The following FOXJ2 variants were observed in gnomAD, a reference collection of about 807,000 sequenced individuals.
The protein encoded by FOXJ2 is forkhead box J2.
A neutral mutation model predicts 68.4 loss-of-function variants in FOXJ2; 18 were observed. That is an observed-to-expected ratio of 0.26 (90% CI 0.18 to 0.39). The LOEUF is 0.39. Ranked by LOEUF, FOXJ2 falls within the 10% of genes least tolerant of loss-of-function variation. The pLI is 1.00. For missense variants in FOXJ2, 670 were observed against 726.5 expected, an observed-to-expected ratio of 0.92 and a Z score of 0.89; for synonymous variants, 274 against 263.2, an observed-to-expected ratio of 1.04 and a Z score of -0.40.
At position 8,047,915 on chromosome 12, in the gene FOXJ2, C is replaced by G. The variant is rs777076278; in HGVS notation, c.851C>G (p.Ser284Trp). 2 of 1,605,742 alleles carry G rather than the reference C, an allele frequency of 1.2e-6. No individual in the cohort carries two copies. Among genetic ancestry groups the G allele is most frequent in the Non-Finnish European group, 1.7e-6 (2 of 1,174,162 alleles). Reference protein sequence around the residue: ...FSSLLGDIPPSNNYYMYQQQQ... With the variant: ...FSSLLGDIPPWNNYYMYQQQQ... ...TCTCTCCTGGGGGACATCCCACCCT[C>G]GAACAACTACTACATGTATCAGCAG... The change falls in exon 7 of 11, where the codon TCG (serine) becomes TGG (tryptophan). Residue 284 changes from serine to tryptophan, a missense_variant. Ser to Trp is a radical substitution (Grantham distance 177). Around this residue, in one of 2 missense-constraint regions of FOXJ2, gnomAD observed 555 missense variants for 562.2 expected, o/e 0.99. Transcript: ENST00000162391.
At chr12:8,049,610 T>C (rs1947087992) in intron 9 of FOXJ2, 39 bp downstream of exon 9, 1 of 1,506,788 alleles carries the variant, frequency 6.6e-7, no homozygotes, top group African/African-American at 1.4e-5. Context: ...GTGGAGACTA[T>C]GTTGAAAAGG....
rs188252013 is a variant in FOXJ2, at chr12:8,038,640, A to T, written c.-14-1179A>T. 1.2e-3 allele frequency among the ~76,000 whole-genome samples: 188 copies of T among 152,254 alleles called. No homozygotes were observed. Among genetic ancestry groups the T allele is most frequent in the African/African-American group, 3.6e-3 (151 of 41,546 alleles). On this transcript the variant is annotated intron_variant, in intron 1 of 10. Transcript: ENST00000162391. The surrounding 1 kb of genome is among the most constrained non-coding windows in gnomAD (Gnocchi z 5.3). ...CTAGGGGAGTGCCAAATGGCTACCT[A>T]GGGGTTCCTGCCAGCCTTTCTAGAC...
chr12:8,036,347 C>T (rs994177652), intron 1 of FOXJ2, among the ~76,000 whole-genome samples: 2 of 152,212 alleles, frequency 1.3e-5, no homozygotes, highest in African/African-American at 4.8e-5. Context: ...CATGTTTCAT[C>T]CAGGATCGGT....
intron 6 of FOXJ2, among the ~76,000 whole-genome samples, chr12:8,046,246 T>C (rs1245865215): frequency 1.3e-5 from 2 of 152,332 alleles, no homozygotes; most frequent in East Asian, 3.9e-4. Flanking sequence ...GAGAACAGTT[T>C]CTTTTTAGTG....
rs1946921415 is a variant in FOXJ2 at position 8,038,208 on chromosome 12, G to GC, written c.-14-1611_-14-1610insC. The stretch of plus-strand genomic sequence containing the variant: ...TGCCATCTGCGTGGGTGGGACCTTG[G>GC]GGAGAGGGGAGTAAGTCAGAATGCT... On this transcript the variant is annotated intron_variant, in intron 1 of 10. Coordinates refer to ENST00000162391, the MANE Select transcript of FOXJ2 (RefSeq NM_018416.3). This position sits in a 1 kb window ranked among gnomAD's most constrained non-coding sequence, Gnocchi z 5.3. Among the ~76,000 whole-genome samples the GC allele has an allele frequency of 3.3e-5, 5 of 152,226 alleles. No individual in the cohort carries two copies. In the South Asian group the frequency reaches 1.0e-3, roughly 32 times the overall value.
chr12:8,051,797 T>C (rs1390753411), intron 10 of FOXJ2, among the ~76,000 whole-genome samples: 2 of 152,190 alleles, frequency 1.3e-5, no homozygotes, highest in East Asian at 1.9e-4. Context: ...GACATCTGAC[T>C]CTCTCTATTC....
intron 10 of FOXJ2, 101 bp from the exon 11 acceptor site, chr12:8,052,661 C>A: frequency 2.1e-6 from 2 of 961,138 alleles, no homozygotes; most frequent in Non-Finnish European, 3.1e-6. Context: ...CCTCACAAGG[C>A]CTTCTTCGTG....
Position 8,033,595 on chromosome 12 carries a change from G to T in FOXJ2, c.-253G>T. On this transcript the variant is annotated 5_prime_UTR_variant, in exon 1 of 11. Transcript: ENST00000162391. ...TCCCCCGGGTAACAAGCAGGGTGTGGGGGGTGTGCCACCTTCCCCAAGTAG... is the reference window on the plus strand; with the variant it reads ...TCCCCCGGGTAACAAGCAGGGTGTGTGGGGTGTGCCACCTTCCCCAAGTAG... 6.5e-6 allele frequency: 1 copy of T among 152,826 alleles called. No individual in the cohort carries two copies. The highest frequency in any genetic ancestry group is 1.9e-4 in the East Asian group (1 of 5,152). 9.5% of individuals were successfully genotyped at this position (152,826 alleles called of 1,614,324 possible).
chr12:8,038,275 C>T lies in FOXJ2; in HGVS notation c.-14-1544C>T, dbSNP rs1471663260. 6.6e-6 allele frequency among the ~76,000 whole-genome samples: 1 copy of T among 152,262 alleles called. No individual in the cohort carries two copies. The highest frequency in any genetic ancestry group is 1.5e-5 in the Non-Finnish European group (1 of 68,018). Reference sequence around the variant, plus strand: ...GCTTAAGGGTCAAGGGCAGAAGAATCACTACCTAGGATAGAAGAGGGAGCT... The same window carrying T: ...GCTTAAGGGTCAAGGGCAGAAGAATTACTACCTAGGATAGAAGAGGGAGCT... On this transcript the variant is annotated intron_variant, in intron 1 of 10. Coordinates refer to ENST00000162391, the MANE Select transcript of FOXJ2 (RefSeq NM_018416.3). This position sits in a 1 kb window ranked among gnomAD's most constrained non-coding sequence, Gnocchi z 5.3.
chr12:8,044,340 C>T (rs1460561402), intron 5 of FOXJ2, among the ~76,000 whole-genome samples: 1 of 152,070 alleles, frequency 6.6e-6, no homozygotes, highest in African/African-American at 2.4e-5. Flanking sequence ...TTTGGGAGGT[C>T]GAGGCAGGCG....
At position 8,040,214 on chromosome 12, in the gene FOXJ2, T is replaced by TTTTAGAGAA. The variant is rs756932068; in HGVS notation, c.333+50_333+58dup. On this transcript the variant is annotated intron_variant, in intron 2 of 10. Coordinates refer to ENST00000162391, the MANE Select transcript of FOXJ2 (RefSeq NM_018416.3). The surrounding 1 kb of genome is among the most constrained non-coding windows in gnomAD (Gnocchi z 4.0). ...GCTTAGGTTTAGGCTTCAACAGCCT[T>TTTTAGAGAA]TTTAGAGAAAAAGGTTTTGTTTCTT... The TTTTAGAGAA allele has an allele frequency of 2.6e-6, 4 of 1,562,562 alleles. No homozygotes were observed. In the South Asian group the frequency reaches 4.6e-5, roughly 18 times the overall value.
rs1946940865 is a variant in FOXJ2, at chr12:8,039,807, T to C, written c.-14-12T>C. 5 of 1,590,774 alleles carry C rather than the reference T, an allele frequency of 3.1e-6. No homozygotes were observed. Among genetic ancestry groups the C allele is most frequent in the Non-Finnish European group, 4.3e-6 (5 of 1,166,340 alleles). On this transcript the variant is annotated splice_polypyrimidine_tract_variant and intron_variant, in intron 1 of 10. Transcript: ENST00000162391. ...CCCCAGTATTTTCGTCTCCTCTTTGTCTTCTCTGCAGAACCCAGAAGTACC... is the reference window on the plus strand; with the variant it reads ...CCCCAGTATTTTCGTCTCCTCTTTGCCTTCTCTGCAGAACCCAGAAGTACC...
In FOXJ2 at chr12:8,032,933, G is replaced by A. The variant is rs929188158; in HGVS notation, c.-915G>A. On this transcript the variant is annotated 5_prime_UTR_variant, in exon 1 of 11. Transcript: ENST00000162391. The surrounding 1 kb of genome is among the most constrained non-coding windows in gnomAD (Gnocchi z 4.8). ...CTCGAGCCGCGGCCTCCCGGACCGT[G>A]CTGCCCAGGCCAGCTCAGGGACAGC... The A allele has an allele frequency of 1.3e-5, 5 of 397,522 alleles. No homozygotes were observed. Among genetic ancestry groups the A allele is most frequent in the African/African-American group, 1.0e-4 (5 of 48,538 alleles). The allele number at this position is 397,522 out of a possible 1,614,324, so 24.6% of individuals were successfully genotyped here. A position where few individuals can be genotyped will look rare whatever the true frequency, so the allele number is the denominator to read the frequency against.
chr12:8,037,704 A>G (rs747431069), intron 1 of FOXJ2, among the ~76,000 whole-genome samples: 48 of 152,306 alleles, frequency 3.2e-4, no homozygotes, highest in African/African-American at 1.1e-3. Context: ...GGACCTCCCC[A>G]TCTGGGGAGG....
At chr12:8,036,397 C>T (rs959734687) in intron 1 of FOXJ2, among the ~76,000 whole-genome samples, 1 of 152,204 alleles carries the variant, frequency 6.6e-6, no homozygotes, top group Non-Finnish European at 1.5e-5. Context: ...TTTTTCTCTG[C>T]CTTTCTCCCA....
intron 10 of FOXJ2, among the ~76,000 whole-genome samples, chr12:8,052,453 C>T (rs1947138697): frequency 1.3e-5 from 2 of 152,116 alleles, no homozygotes; most frequent in South Asian, 2.1e-4. Context: ...TTCCTGACCT[C>T]GTGATCCGCC....
intron 1 of FOXJ2, among the ~76,000 whole-genome samples, chr12:8,039,373 T>C (rs1353824221): frequency 1.3e-5 from 2 of 152,216 alleles, no homozygotes; most frequent in East Asian, 3.8e-4. Context: ...TTGCTTTATA[T>C]GTACGTTCGT....
rs1565630188 is a variant in FOXJ2 at position 8,047,957 on chromosome 12, C to T, written c.893C>T (p.Pro298Leu). ...TATCAGCAGCAGCAGCCACCGCCACCTCAACAGCAGCAGCAGCAGCAGCAG... is the reference window on the plus strand; with the variant it reads ...TATCAGCAGCAGCAGCCACCGCCACTTCAACAGCAGCAGCAGCAGCAGCAG... ...YMYQQQQPPP[P>L]QQQQQQQQPP... Residue 298 changes from proline (P) to leucine (L), a missense_variant, in exon 7 of 11, where the codon CCT becomes CTT. Coordinates refer to ENST00000162391, the MANE Select transcript of FOXJ2 (RefSeq NM_018416.3). 6.2e-7 allele frequency: 1 copy of T among 1,613,458 alleles called. No individual in the cohort carries two copies. The highest frequency in any genetic ancestry group is 8.5e-7 in the Non-Finnish European group (1 of 1,179,772).
intron 3 of FOXJ2, 91 bp from the exon 4 acceptor site, chr12:8,043,610 A>G (rs1277644944): frequency 3.1e-6 from 4 of 1,304,968 alleles, no homozygotes; most frequent in Non-Finnish European, 3.3e-6. Context: ...GTGAGTTTCT[A>G]GGACAAATTT....
Sources: allele counts gnomAD v4.1 joint callset (sites outside exome capture counted in the v4.1 genomes callset), GRCh38; gene constraint gnomAD v4.1.1; regional missense constraint gnomAD v4.1.1; non-coding constraint Gnocchi (gnomAD v3.1); transcripts MANE v1.5; gene names NCBI Gene and HGNC (gene_info 2026-07-23, HGNC 2026-07-21).